ADAM12: variants seen among roughly 807,000 people sequenced by gnomAD.
The protein encoded by ADAM12 is ADAM metallopeptidase domain 12, also known as disintegrin and metalloproteinase domain-containing protein 12.
A neutral mutation model predicts 106.4 loss-of-function variants in ADAM12; 70 were observed. The ratio of observed to expected loss-of-function variants is 0.66; its 90% CI spans 0.54 to 0.80. ADAM12 has a LOEUF of 0.80. Among genes scored for constraint, ADAM12 ranks in the 30% least tolerant of loss-of-function variants. The pLI is 0.00. For synonymous variants in ADAM12, 420 were observed against 433.5 expected, an observed-to-expected ratio of 0.97 and a Z score of 0.39; for missense variants, 1,010 against 1,171.9, an observed-to-expected ratio of 0.86 and a Z score of 2.02.
intron 4 of ADAM12, among the ~76,000 whole-genome samples, chr10:126,142,392 T>G (rs1956529135): frequency 6.6e-6 from 1 of 152,118 alleles, no homozygotes; most frequent in Non-Finnish European, 1.5e-5. Flanking sequence ...AATGGATGGG[T>G]TGAAATAAAG....
chr10:126,267,977 A>T (rs944102116), intron 3 of ADAM12, among the ~76,000 whole-genome samples: 1 of 152,182 alleles, frequency 6.6e-6, no homozygotes, highest in Non-Finnish European at 1.5e-5. Flanking sequence ...CACATAACAT[A>T]AAATTTATAA....
chr10:126,158,789 T>G (rs1225785462), intron 3 of ADAM12, among the ~76,000 whole-genome samples: 57 of 83,718 alleles, frequency 6.8e-4, no homozygotes, highest in Admixed American at 1.0e-3. Context: ...GAGCATGGAG[T>G]GGGGATGCAC....
At chr10:126,244,943 G>C (rs1330844344) in intron 3 of ADAM12, among the ~76,000 whole-genome samples, 3 of 152,200 alleles carry the variant, frequency 2.0e-5, no homozygotes, top group African/African-American at 7.2e-5. Flanking sequence ...AACAGGAGAA[G>C]CCAAGACATA....
chr10:126,025,981 G>A (rs781470187), intron 21 of ADAM12, among the ~76,000 whole-genome samples: 1 of 152,180 alleles, frequency 6.6e-6, no homozygotes, highest in African/African-American at 2.4e-5. Flanking sequence ...CAATAAGCTA[G>A]AAGAGCTTGG....
At chr10:126,357,872 C>T (rs915835669) in intron 1 of ADAM12, among the ~76,000 whole-genome samples, 1 of 152,118 alleles carries the variant, frequency 6.6e-6, no homozygotes, top group African/African-American at 2.4e-5. Flanking sequence ...TGGATAGGGA[C>T]ACAGCCAAGC....
chr10:126,363,374 CA>C (rs946679829), intron 1 of ADAM12, among the ~76,000 whole-genome samples: 3 of 152,040 alleles, frequency 2.0e-5, no homozygotes, highest in Non-Finnish European at 2.9e-5. Context: ...TTTACTGTCC[CA>C]AAAAACACAC....
chr10:126,114,797 T>C (rs1174561893), intron 6 of ADAM12, among the ~76,000 whole-genome samples: 1 of 152,056 alleles, frequency 6.6e-6, no homozygotes, highest in Non-Finnish European at 1.5e-5. Flanking sequence ...ACAACTAAGG[T>C]AGTAAAAGAA....
rs1954458240 is a variant in ADAM12 at position 126,050,655 on chromosome 10, G to A, written c.1610-986C>T. 2.0e-5 allele frequency among the ~76,000 whole-genome samples: 3 copies of A among 152,154 alleles called. No homozygotes were observed. The South Asian group carries it at 6.2e-4, about 32-fold the overall frequency. On this transcript the variant is annotated intron_variant, in intron 14 of 22. Transcript: ENST00000448723. ...CCAAGGTGACAACGGATTTATTTAA[G>A]ATACCTCGTCCCAGGGAACAGAAGA...
In ADAM12 at chr10:126,063,350, G is replaced by A. The variant is rs542175236; in HGVS notation, c.1609+1456C>T. On this transcript the variant is annotated intron_variant, in intron 14 of 22. Coordinates refer to ENST00000448723, the MANE Select transcript of ADAM12 (RefSeq NM_001288973.2). ...GCTGGCAGGGGACATGGGCCTCCCA[G>A]CAGGACCCAGCTCCGAGAGACATCC... Among the ~76,000 whole-genome samples, 8 of 152,370 alleles carry A rather than the reference G, an allele frequency of 5.3e-5. No homozygotes were observed. In the East Asian group the frequency reaches 1.5e-3, roughly 29 times the overall value.
At chr10:126,288,679 G>A (rs940602040) in intron 2 of ADAM12, among the ~76,000 whole-genome samples, 15 of 151,898 alleles carry the variant, frequency 9.9e-5, no homozygotes, top group East Asian at 1.9e-4. Context: ...AGGATCATGC[G>A]GTGACGTGGT....
chr10:126,160,265 G>C (rs942200948), intron 3 of ADAM12, among the ~76,000 whole-genome samples: 3 of 152,112 alleles, frequency 2.0e-5, no homozygotes, highest in African/African-American at 7.2e-5. Flanking sequence ...TAATACATTT[G>C]TTTATTAGCT....
intron 4 of ADAM12, among the ~76,000 whole-genome samples, chr10:126,142,687 T>C (rs1305376113): frequency 2.7e-5 from 4 of 149,822 alleles, no homozygotes; most frequent in Admixed American, 6.7e-5. Flanking sequence ...TCACCTAAAA[T>C]CCATACATGG....
At chr10:126,282,973 C>G (rs1292649845) in intron 2 of ADAM12, among the ~76,000 whole-genome samples, 2 of 151,974 alleles carry the variant, frequency 1.3e-5, no homozygotes, top group African/African-American at 4.8e-5. Context: ...AAATACAACT[C>G]ACCATAATGT....
intron 14 of ADAM12, among the ~76,000 whole-genome samples, chr10:126,062,618 A>C (rs960593647): frequency 5.3e-5 from 8 of 152,222 alleles, no homozygotes; most frequent in African/African-American, 1.9e-4. Flanking sequence ...ACCATGAATC[A>C]GAGGCACACA....
At chr10:126,358,290 A>T (rs1467051022) in intron 1 of ADAM12, among the ~76,000 whole-genome samples, 2 of 152,230 alleles carry the variant, frequency 1.3e-5, no homozygotes, top group African/African-American at 4.8e-5. Context: ...TAAAAGGATC[A>T]TTCATCATGA....
In ADAM12 at chr10:126,121,224, C is replaced by CTATAGTATATATACTA. The variant is rs1565074251; in HGVS notation, c.417-3016_417-3001dup. On this transcript the variant is annotated intron_variant, in intron 5 of 22. Coordinates refer to ENST00000448723, the MANE Select transcript of ADAM12 (RefSeq NM_001288973.2). ...TACTATATACTATATATATTATATA[C>CTATAGTATATATACTA]TATAGTATATATACTATATAGTATA... 3.0e-5 allele frequency among the ~76,000 whole-genome samples: 3 copies of CTATAGTATATATACTA among 99,780 alleles called. No individual in the cohort carries two copies. The East Asian group carries it at 8.1e-4, about 27-fold the overall frequency. The allele number at this position is 99,780 out of a possible 152,430, so 65.5% of individuals were successfully genotyped here.
chr10:126,381,395 T>C (rs1203697502), intron 1 of ADAM12, among the ~76,000 whole-genome samples: 13 of 149,718 alleles, frequency 8.7e-5, no homozygotes, highest in Non-Finnish European at 1.5e-4. Context: ...TCCAACACTT[T>C]TGGGGGGCTG....
intron 21 of ADAM12, among the ~76,000 whole-genome samples, chr10:126,035,028 A>G (rs1954033718): frequency 6.6e-6 from 1 of 152,168 alleles, no homozygotes; most frequent in Non-Finnish European, 1.5e-5. Flanking sequence ...CTCAAAGGAG[A>G]CACAATTATA....
rs534615816 is a variant in ADAM12, at chr10:126,264,397, A to T, written c.260+14518T>A. On this transcript the variant is annotated intron_variant, in intron 3 of 22. Transcript: ENST00000448723. ...TTCTAAATAAATCGTCTCCCCAGAT[A>T]ACCCTCCTGTGGGGGCTTGGTTTTG... Among the ~76,000 whole-genome samples, 5 of 152,340 alleles carry T rather than the reference A, an allele frequency of 3.3e-5. No homozygotes were observed. The South Asian group carries it at 1.0e-3, about 32-fold the overall frequency.
Sources: allele counts gnomAD v4.1 joint callset (sites outside exome capture counted in the v4.1 genomes callset), GRCh38; gene constraint gnomAD v4.1.1; transcripts MANE v1.5; gene names NCBI Gene and HGNC (gene_info 2026-07-23, HGNC 2026-07-21).